Variants in NSMCE2 observed in about 807,000 individuals in gnomAD.
NSMCE2 encodes the protein E3 SUMO-protein ligase NSE2.
A neutral mutation model predicts 23.8 loss-of-function variants in NSMCE2; 24 were observed. The observed-to-expected ratio is 1.01, with a 90% CI of 0.73 to 1.42. NSMCE2 has a LOEUF of 1.42. Among genes scored for constraint, NSMCE2 ranks in the 40% most tolerant of loss-of-function variants. The pLI is 0.00. For synonymous variants in NSMCE2, 92 were observed against 94.1 expected, an observed-to-expected ratio of 0.98 and a Z score of 0.13; for missense variants, 284 against 296.5, an observed-to-expected ratio of 0.96 and a Z score of 0.31.
At position 125,357,703 on chromosome 8, in the gene NSMCE2, T is replaced by G; in HGVS notation, c.520-9T>G. 2 of 1,595,030 alleles carry G rather than the reference T, an allele frequency of 1.3e-6. No individual in the cohort carries two copies. The highest frequency in any genetic ancestry group is 1.7e-6 in the Non-Finnish European group (2 of 1,162,566). On this transcript the variant is annotated splice_polypyrimidine_tract_variant and intron_variant, in intron 6 of 7. Coordinates refer to ENST00000287437, the MANE Select transcript of NSMCE2 (RefSeq NM_173685.4). The stretch of plus-strand genomic sequence containing the variant: ...CATTCCTGAAAGCCCAACATCTCCT[T>G]GATTACAGGAGGAAATGAAGAAGCC...
intron 5 of NSMCE2, among the ~76,000 whole-genome samples, chr8:125,283,754 C>G (rs568682300): frequency 1.4e-4 from 21 of 152,318 alleles, no homozygotes; most frequent in African/African-American, 4.8e-4. Flanking sequence ...CATGACACAG[C>G]ACAGTCAACA....
chr8:125,301,462 A>G (rs190493261), intron 5 of NSMCE2, among the ~76,000 whole-genome samples: 28 of 152,168 alleles, frequency 1.8e-4, no homozygotes, highest in Non-Finnish European at 2.8e-4. Context: ...ACCTCACTAC[A>G]TGGAGGTGGC....
intron 3 of NSMCE2, among the ~76,000 whole-genome samples, chr8:125,116,686 C>T (rs943278210): frequency 1.3e-5 from 2 of 152,052 alleles, no homozygotes; most frequent in Non-Finnish European, 2.9e-5. Context: ...ATGTCATTAG[C>T]AGTAATGTCT....
At chr8:125,272,167 T>C (rs7844459) in intron 5 of NSMCE2, among the ~76,000 whole-genome samples, 136,191 of 151,850 alleles carry the variant, frequency 0.9, 61,194 homozygotes, top group African/African-American at 0.95. Flanking sequence ...GCGCCCACCA[T>C]CATGCCTGTC....
intron 4 of NSMCE2, among the ~76,000 whole-genome samples, chr8:125,179,657 T>C (rs559459890): frequency 6.6e-6 from 1 of 152,366 alleles, no homozygotes; most frequent in East Asian, 1.9e-4. Flanking sequence ...TACAGCAGTT[T>C]TCTAAAAGTT....
chr8:125,207,720 C>G (rs573897039), intron 5 of NSMCE2, among the ~76,000 whole-genome samples: 1 of 152,174 alleles, frequency 6.6e-6, no homozygotes, highest in African/African-American at 2.4e-5. Flanking sequence ...AGTCTTCTGC[C>G]GGTTAGGAGG....
rs142085389 is a variant in NSMCE2 at position 125,341,155 on chromosome 8, A to G, written c.419-16064A>G. Among the ~76,000 whole-genome samples the G allele has an allele frequency of 4.3e-3, 659 of 152,182 alleles. 6 individuals carry two copies. Among genetic ancestry groups the G allele is most frequent in the Admixed American group, 0.017 (262 of 15,278 alleles). On this transcript the variant is annotated intron_variant, in intron 5 of 7. Transcript: ENST00000287437. ...TAGTTAGAGTAACTGGAGAGCTGCA[A>G]TCCAGCCTTGTCCTTCTGCGATGCT...
intron 3 of NSMCE2, among the ~76,000 whole-genome samples, chr8:125,105,415 T>G (rs1208188064): frequency 6.6e-6 from 1 of 152,110 alleles, no homozygotes; most frequent in Admixed American, 6.6e-5. Context: ...ATTGTATCAG[T>G]TTTTTTCAGG....
chr8:125,365,466 T>G (rs1036336310), intron 7 of NSMCE2, among the ~76,000 whole-genome samples: 1 of 152,196 alleles, frequency 6.6e-6, no homozygotes, highest in Non-Finnish European at 1.5e-5. Context: ...CTGTTTTGTA[T>G]TCTCCATAAG....
chr8:125,171,946 G>A (rs774555674), intron 4 of NSMCE2, among the ~76,000 whole-genome samples: 20 of 152,216 alleles, frequency 1.3e-4, no homozygotes, highest in Non-Finnish European at 2.4e-4. Flanking sequence ...GAGGAACTCA[G>A]TGTTTAATTT....
intron 7 of NSMCE2, among the ~76,000 whole-genome samples, chr8:125,359,962 G>C (rs540337307): frequency 6.6e-6 from 1 of 152,168 alleles, no homozygotes; most frequent in Non-Finnish European, 1.5e-5. Flanking sequence ...AGTCAGTTAG[G>C]ATGCTTTTAC....
intron 5 of NSMCE2, among the ~76,000 whole-genome samples, chr8:125,250,795 C>G (rs913983325): frequency 6.6e-6 from 1 of 152,052 alleles, no homozygotes; most frequent in African/African-American, 2.4e-5. Context: ...GGATAACAAG[C>G]GTGAGCCACC....
Position 125,132,485 on chromosome 8 carries a change from A to T in NSMCE2, c.158-18686A>T, listed in dbSNP as rs534152144. On this transcript the variant is annotated intron_variant, in intron 3 of 7. Coordinates refer to ENST00000287437, the MANE Select transcript of NSMCE2 (RefSeq NM_173685.4). The stretch of plus-strand genomic sequence containing the variant: ...TGTATCTTAAGACAATTTTTAAATT[A>T]AAAAAAAATTTTGGTTTTTTTTTTT... 1.5e-3 allele frequency among the ~76,000 whole-genome samples: 214 copies of T among 146,452 alleles called. 1 individual carries two copies. The highest frequency in any genetic ancestry group is 5.5e-3 in the African/African-American group (209 of 38,156).
intron 5 of NSMCE2, among the ~76,000 whole-genome samples, chr8:125,309,163 C>T (rs775856397): frequency 1.7e-4 from 26 of 150,454 alleles, no homozygotes; most frequent in African/African-American, 4.4e-4. Context: ...AGGAGAGAAT[C>T]GCTTGAACCT....
intron 3 of NSMCE2, among the ~76,000 whole-genome samples, chr8:125,126,450 G>A (rs1819523078): frequency 6.6e-6 from 1 of 151,896 alleles, no homozygotes; most frequent in Non-Finnish European, 1.5e-5. Context: ...GAGGAATAGT[G>A]TCCCAGCACC....
intron 5 of NSMCE2, among the ~76,000 whole-genome samples, chr8:125,287,013 A>T (rs1309965829): frequency 6.6e-6 from 1 of 152,182 alleles, no homozygotes; most frequent in Admixed American, 6.5e-5. Flanking sequence ...TTTACCACAC[A>T]TGTAAGAAGC....
At chr8:125,177,896 T>C (rs1822575417) in intron 4 of NSMCE2, among the ~76,000 whole-genome samples, 1 of 152,206 alleles carries the variant, frequency 6.6e-6, no homozygotes, top group African/African-American at 2.4e-5. Context: ...TAACTTCACT[T>C]CAAAGTCTTA....
At chr8:125,150,223 A>G (rs537042445) in intron 3 of NSMCE2, among the ~76,000 whole-genome samples, 3 of 152,112 alleles carry the variant, frequency 2.0e-5, no homozygotes, top group African/African-American at 7.2e-5. Flanking sequence ...GTTCATCTTT[A>G]TACAAAGAGT....
chr8:125,226,155 A>G (rs1178308054), intron 5 of NSMCE2, among the ~76,000 whole-genome samples: 1 of 152,234 alleles, frequency 6.6e-6, no homozygotes, highest in Non-Finnish European at 1.5e-5. Context: ...TTAAACTGAC[A>G]TTGGGCACCA....
Sources: allele counts gnomAD v4.1 joint callset (sites outside exome capture counted in the v4.1 genomes callset), GRCh38; gene constraint gnomAD v4.1.1; transcripts MANE v1.5; gene names NCBI Gene and HGNC (gene_info 2026-07-23, HGNC 2026-07-21).